The following IMPA1 variants were observed in gnomAD, a reference collection of about 807,000 sequenced individuals.
The protein encoded by IMPA1 is inositol monophosphatase 1, also known as D-galactose 1-phosphate phosphatase.
Under a neutral mutation model 34.9 loss-of-function variants are expected in IMPA1, and 21 were observed. The observed-to-expected ratio is 0.60, with a 90% CI of 0.43 to 0.87. The LOEUF (loss-of-function observed/expected upper bound fraction) is 0.87, where lower values mean the gene tolerates loss of function less well. IMPA1 is among the 40% of genes least tolerant of loss of function. The pLI, the probability that IMPA1 is intolerant of heterozygous loss-of-function variation, is 0.00. For missense variants in IMPA1, 299 were observed against 336.4 expected, an observed-to-expected ratio of 0.89 and a Z score of 0.87; for synonymous variants, 95 against 104.4, an observed-to-expected ratio of 0.91 and a Z score of 0.55.
At chr8:81,666,726 C>G (rs181202759) in intron 7 of IMPA1, among the ~76,000 whole-genome samples, 1 of 151,286 alleles carries the variant, frequency 6.6e-6, no homozygotes, top group Non-Finnish European at 1.5e-5. Context: ...ATACAAAAGC[C>G]GGGCATGGTG....
Position 81,660,569 on chromosome 8 carries a change from G to T in IMPA1, c.665C>A (p.Ala222Glu). ...TTCAGTAACAATAATGCCAGCTCCTGCAACATCCCAGCAGTGAATTCCCAT... is the reference window on the plus strand; with the variant it reads ...TTCAGTAACAATAATGCCAGCTCCTTCAACATCCCAGCAGTGAATTCCCAT... ...YEMGIHCWDV[A>E]GAGIIVTEAG... The change falls in exon 8 of 9, where the codon GCA (alanine) becomes GAA (glutamate). Residue 222 changes from alanine to glutamate, a missense_variant. By Grantham distance (107) the Ala-to-Glu change is moderately radical (BLOSUM62 -1). Transcript: ENST00000256108. 6.2e-7 allele frequency: 1 copy of T among 1,613,834 alleles called. No homozygotes were observed. The highest frequency in any genetic ancestry group is 8.5e-7 in the Non-Finnish European group (1 of 1,179,790).
At chr8:81,683,278 G>GAATC (rs890527641) in intron 1 of IMPA1, among the ~76,000 whole-genome samples, 39 of 152,206 alleles carry the variant, frequency 2.6e-4, no homozygotes, top group Admixed American at 7.2e-4. Flanking sequence ...GGGGCTTCAA[G>GAATC]AATCACTTCA....
At chr8:81,668,904 C>T (rs1016381438) in intron 7 of IMPA1, among the ~76,000 whole-genome samples, 1 of 152,168 alleles carries the variant, frequency 6.6e-6, no homozygotes, top group African/African-American at 2.4e-5. Flanking sequence ...CTGCCCAGGG[C>T]CACCCTAGAC....
intron 7 of IMPA1, among the ~76,000 whole-genome samples, chr8:81,662,367 T>A (rs1806704294): frequency 6.6e-6 from 1 of 152,216 alleles, no homozygotes; most frequent in African/African-American, 2.4e-5. Flanking sequence ...CAAACAACAG[T>A]GATATCTACT....
intron 7 of IMPA1, among the ~76,000 whole-genome samples, chr8:81,662,954 A>C (rs1386260062): frequency 6.6e-6 from 1 of 152,202 alleles, no homozygotes; most frequent in East Asian, 1.9e-4. Context: ...ATTTCTGCTT[A>C]TTTAAAGCAT....
intron 1 of IMPA1, among the ~76,000 whole-genome samples, chr8:81,685,191 A>G (rs898081882): frequency 1.5e-5 from 2 of 135,894 alleles, no homozygotes; most frequent in Admixed American, 7.7e-5. Flanking sequence ...TATACTATAC[A>G]TAAGTATATT....
At chr8:81,665,944 A>G (rs1232765248) in intron 7 of IMPA1, among the ~76,000 whole-genome samples, 1 of 152,246 alleles carries the variant, frequency 6.6e-6, no homozygotes, top group Non-Finnish European at 1.5e-5. Flanking sequence ...CCCTCCCCCA[A>G]GGAATCTACT....
chr8:81,666,240 T>C (rs1164078045), intron 7 of IMPA1, among the ~76,000 whole-genome samples: 1 of 152,128 alleles, frequency 6.6e-6, no homozygotes, highest in Non-Finnish European at 1.5e-5. Context: ...ACTATAAAAG[T>C]TGTATTACAA....
intron 3 of IMPA1, among the ~76,000 whole-genome samples, chr8:81,679,865 G>C (rs1807241695): frequency 6.6e-6 from 1 of 152,082 alleles, no homozygotes; most frequent in African/African-American, 2.4e-5. Flanking sequence ...GGCCAGGTGT[G>C]GTGGCTCAGG....
In IMPA1 at chr8:81,658,516, G is replaced by C. The variant is rs1343777875; in HGVS notation, c.*835C>G. The C allele has an allele frequency of 6.6e-6, 1 of 152,516 alleles. No homozygotes were observed. The highest frequency in any genetic ancestry group is 1.5e-5 in the Non-Finnish European group (1 of 67,998). 9.4% of individuals were successfully genotyped at this position (152,516 alleles called of 1,614,324 possible). On this transcript the variant is annotated 3_prime_UTR_variant, in exon 9 of 9. Transcript: ENST00000256108. ...TTGTATCTAATTATGTCAGATATCT[G>C]ATGAGAGTGCTTTTTATTATAGAAA...
intron 8 of IMPA1, 108 bp from the exon 9 acceptor site, chr8:81,659,574 GT>G: frequency 1.5e-6 from 1 of 650,652 alleles, no homozygotes; most frequent in African/African-American, 1.8e-5. Context: ...AATACTTTCA[GT>G]TTTCTTAAAC....
chr8:81,673,797 G>T, intron 6 of IMPA1, 44 bp downstream of exon 6: 2 of 1,047,248 alleles, frequency 1.9e-6, no homozygotes, highest in South Asian at 2.5e-5. Flanking sequence ...ATAAAATATT[G>T]AGCACACAAT....
intron 4 of IMPA1, among the ~76,000 whole-genome samples, chr8:81,677,471 G>A (rs549988850): frequency 1.4e-4 from 22 of 152,134 alleles, no homozygotes; most frequent in Non-Finnish European, 3.2e-4. Context: ...GCTGTTACTT[G>A]TCTCTACTCC....
chr8:81,683,863 C>G (rs768055745), intron 1 of IMPA1, among the ~76,000 whole-genome samples: 3 of 152,154 alleles, frequency 2.0e-5, no homozygotes, highest in Non-Finnish European at 4.4e-5. Context: ...ATGGAACAGA[C>G]TGACTGTGGA....
At chr8:81,685,877 C>T (rs1390457432) in intron 1 of IMPA1, 2 of 1,548,412 alleles carry the variant, frequency 1.3e-6, no homozygotes, top group Non-Finnish European at 1.7e-6. Context: ...GTCCCAGCAC[C>T]GCGACTGCGG....
At chr8:81,671,273 T>C (rs114896032) in intron 6 of IMPA1, among the ~76,000 whole-genome samples, 196 of 152,210 alleles carry the variant, frequency 1.3e-3, no homozygotes, top group African/African-American at 4.7e-3. Flanking sequence ...ATGTAACCAA[T>C]TTGCCTGCAT....
intron 3 of IMPA1, among the ~76,000 whole-genome samples, chr8:81,679,631 A>AG (rs1554586285): frequency 6.6e-6 from 1 of 151,396 alleles, no homozygotes; most frequent in Admixed American, 6.6e-5. Flanking sequence ...AAAAAAAAAA[A>AG]TAGCAAAAGT....
At chr8:81,683,184 T>G (rs1371757134) in intron 1 of IMPA1, among the ~76,000 whole-genome samples, 2 of 152,196 alleles carry the variant, frequency 1.3e-5, no homozygotes, top group African/African-American at 4.8e-5. Flanking sequence ...CAGCTCAGAT[T>G]AAGGGAAACA....
chr8:81,669,440 G>A (rs900150579), intron 7 of IMPA1, among the ~76,000 whole-genome samples: 39 of 152,224 alleles, frequency 2.6e-4, no homozygotes, highest in Admixed American at 7.2e-4. Flanking sequence ...GTGTCTCCAT[G>A]AGGTGGTACA....
Sources: gnomAD v4.1 joint callset for allele counts (sites outside exome capture counted in the v4.1 genomes callset) on GRCh38, gnomAD v4.1.1 for gene constraint, MANE v1.5 for transcripts, NCBI Gene and HGNC (gene_info 2026-07-23, HGNC 2026-07-21) for gene names.